Variants in HM13 observed in about 807,000 individuals in gnomAD.
HM13 encodes the protein histocompatibility minor 13.
HM13 carries 18 observed loss-of-function variants against 50.0 expected under a neutral mutation model. That is an observed-to-expected ratio of 0.36 (90% CI 0.25 to 0.53). The LOEUF (loss-of-function observed/expected upper bound fraction) is 0.53, where lower values mean the gene tolerates loss of function less well. Among genes scored for constraint, HM13 ranks in the 20% least tolerant of loss-of-function variants. The pLI, the probability that HM13 is intolerant of heterozygous loss-of-function variation, is 0.90. For synonymous variants in HM13, 197 were observed against 232.6 expected (o/e 0.85, Z 1.39); for missense variants, 393 against 552.4 (o/e 0.71, Z 2.89).
intron 10 of HM13, chr20:31,563,308 C>G (rs1984722376): frequency 6.6e-6 from 1 of 152,240 alleles, no homozygotes; most frequent in Non-Finnish European, 1.5e-5. Flanking sequence ...CCATGGGGTC[C>G]CCTGCTCTCC....
chr20:31,539,042 G>A (rs899288004), intron 3 of HM13: 12 of 979,930 alleles, frequency 1.2e-5, no homozygotes, highest in Non-Finnish European at 1.3e-5. Flanking sequence ...TTCAAACCCA[G>A]GTGTGGCTCC....
chr20:31,557,703 CTTT>C (rs1180267680), intron 8 of HM13, among the ~76,000 whole-genome samples: 2 of 80,906 alleles, frequency 2.5e-5, no homozygotes, highest in Non-Finnish European at 2.2e-5. Context: ...GGCAGTGCTT[CTTT>C]TTTTTTTTTT....
At chr20:31,527,764 C>T (rs193216151) in intron 2 of HM13, among the ~76,000 whole-genome samples, 182 bp downstream of exon 2, 132 of 152,320 alleles carry the variant, frequency 8.7e-4, no homozygotes, top group African/African-American at 3.0e-3. Context: ...GACCCTTTCT[C>T]ACTAGTCCGT....
At chr20:31,558,350 T>G (rs911541383) in intron 8 of HM13, among the ~76,000 whole-genome samples, 1 of 152,112 alleles carries the variant, frequency 6.6e-6, no homozygotes, top group African/African-American at 2.4e-5. Flanking sequence ...AAAATGTGTT[T>G]AGGTTGTTCT....
At position 31,538,060 on chromosome 20, in the gene HM13, T is replaced by C. The variant is rs115196605; in HGVS notation, c.283-119T>C. 1.1e-3 allele frequency: 1,265 copies of C among 1,175,162 alleles called. 11 individuals are homozygous for C. The African/African-American group carries it at 0.017, about 16-fold the overall frequency. 72.8% of individuals were successfully genotyped at this position (1,175,162 alleles called of 1,614,324 possible). ...CACTAGTATTGTCTGAGACTCTTCC[T>C]GACTGTCCCCCGACTCAAGAAGGGT... On this transcript the variant is annotated intron_variant, in intron 2 of 12. Coordinates refer to ENST00000398174, the MANE Select transcript of HM13 (RefSeq NM_178581.3).
rs1981636202 is a variant in HM13, at chr20:31,514,500, G to A, written c.-52G>A. 1 of 1,563,932 alleles carries A rather than the reference G, an allele frequency of 6.4e-7. No homozygotes were observed. The highest frequency in any genetic ancestry group is 8.7e-7 in the Non-Finnish European group (1 of 1,154,364). The stretch of plus-strand genomic sequence containing the variant: ...CTGCAGAGCCGGTGTCTCCGCCTGC[G>A]TCCCTGCTGCAGCAACCGGAGCTGG... On this transcript the variant is annotated 5_prime_UTR_variant, in exon 1 of 13. Coordinates refer to ENST00000398174, the MANE Select transcript of HM13 (RefSeq NM_178581.3). This position sits in a 1 kb window ranked among gnomAD's most constrained non-coding sequence, Gnocchi z 4.3.
At chr20:31,564,758 C>T (rs1984798269) in intron 10 of HM13, among the ~76,000 whole-genome samples, 1 of 151,404 alleles carries the variant, frequency 6.6e-6, no homozygotes, top group Non-Finnish European at 1.5e-5. Flanking sequence ...TGCCTGTAAT[C>T]CCAGTTACTC....
intron 12 of HM13, 84 bp downstream of exon 12, chr20:31,568,308 A>G (rs1473708513): frequency 3.1e-5 from 48 of 1,539,322 alleles, no homozygotes; most frequent in East Asian, 2.3e-5. Context: ...GCTCCAGTGC[A>G]TAGGGCAGGG....
intron 1 of HM13, among the ~76,000 whole-genome samples, chr20:31,520,463 C>T (rs1302878217): frequency 6.6e-6 from 1 of 151,862 alleles, no homozygotes; most frequent in East Asian, 2.0e-4. Flanking sequence ...GCCACTACGC[C>T]TGGCTAATTT....
chr20:31,534,597 A>G (rs1022716500), intron 2 of HM13, among the ~76,000 whole-genome samples: 1 of 151,988 alleles, frequency 6.6e-6, no homozygotes, highest in Admixed American at 6.6e-5. Context: ...AGCCTGGCCA[A>G]CATGGTGAAA....
rs1985039374 is a variant in HM13 at position 31,568,195 on chromosome 20, C to T, written c.1152C>T (p.Arg384=). 6.2e-7 allele frequency: 1 copy of T among 1,612,812 alleles called. No individual in the cohort carries two copies. Among genetic ancestry groups the T allele is most frequent in the Non-Finnish European group, 8.5e-7 (1 of 1,179,912 alleles). The part of the protein sequence containing the change: ...DSMQQKLAGP[R]RRRPQNPSAI... ...TGCAGCAGAAGCTAGCTGGCCCTCG[C>T]CGCCGGCGCCCGCAGAATCCCAGCG... The change falls in exon 12 of 13, where the codon CGC becomes CGT. Residue 384 remains arginine, a synonymous_variant. Coordinates refer to ENST00000398174, the MANE Select transcript of HM13 (RefSeq NM_178581.3).
intron 1 of HM13, among the ~76,000 whole-genome samples, chr20:31,520,150 C>T (rs1230495650): frequency 6.6e-6 from 1 of 152,016 alleles, no homozygotes; most frequent in East Asian, 1.9e-4. Flanking sequence ...AGCCACTGTT[C>T]CCAGCCCACA....
intron 8 of HM13, among the ~76,000 whole-genome samples, chr20:31,558,786 T>C (rs1416687671): frequency 6.6e-6 from 1 of 152,034 alleles, no homozygotes; most frequent in Non-Finnish European, 1.5e-5. Context: ...TGCAGTGGCG[T>C]GATCTCGGCT....
intron 1 of HM13, among the ~76,000 whole-genome samples, chr20:31,523,142 C>T (rs1444941256): frequency 2.6e-5 from 4 of 151,900 alleles, no homozygotes; most frequent in African/African-American, 4.8e-5. Flanking sequence ...CCTCCACCTC[C>T]CGGGTTCAAG....
intron 7 of HM13, 185 bp from the exon 8 acceptor site, chr20:31,554,561 A>G: frequency 1.9e-6 from 1 of 536,834 alleles, no homozygotes; most frequent in East Asian, 3.3e-5. Context: ...GGGCGCCTGT[A>G]GTTCCAGCTA....
Position 31,554,801 on chromosome 20 carries a change from G to T in HM13, c.780G>T (p.Met260Ile). The change falls in exon 8 of 13, where the codon ATG becomes ATT. Residue 260 changes from methionine to isoleucine, a missense_variant. Transcript: ENST00000398174. ...EKGLEANNFA[M>I]LGLGDVVIPG... ...GCCTCGAAGCAAACAACTTTGCCATGCTGGGACTTGGAGATGTCGTCATTC... is the reference window on the plus strand; with the variant it reads ...GCCTCGAAGCAAACAACTTTGCCATTCTGGGACTTGGAGATGTCGTCATTC... The T allele has an allele frequency of 6.2e-7, 1 of 1,614,182 alleles. No individual in the cohort carries two copies. The highest frequency in any genetic ancestry group is 8.5e-7 in the Non-Finnish European group (1 of 1,180,010).
At chr20:31,558,575 A>G (rs1021517070) in intron 8 of HM13, among the ~76,000 whole-genome samples, 6 of 152,002 alleles carry the variant, frequency 3.9e-5, no homozygotes, top group South Asian at 2.1e-4. Context: ...GGCATTTCCA[A>G]GAAGCCTTCC....
At chr20:31,559,234 G>A (rs1984476775) in intron 8 of HM13, among the ~76,000 whole-genome samples, 1 of 152,182 alleles carries the variant, frequency 6.6e-6, no homozygotes, top group African/African-American at 2.4e-5. Flanking sequence ...ACTATTTGAG[G>A]TATGTCATAG....
At chr20:31,566,080 C>A in intron 10 of HM13, 130 bp from the exon 11 acceptor site, 1 of 623,872 alleles carries the variant, frequency 1.6e-6, no homozygotes, top group South Asian at 2.0e-5. Context: ...CAGGCCCAGC[C>A]ACTGACTTGC....
Sources: allele counts gnomAD v4.1 joint callset (sites outside exome capture counted in the v4.1 genomes callset), GRCh38; gene constraint gnomAD v4.1.1; non-coding constraint Gnocchi (gnomAD v3.1); transcripts MANE v1.5; gene names NCBI Gene and HGNC (gene_info 2026-07-23, HGNC 2026-07-21).